The following KCNT2 variants were observed in gnomAD, a reference collection of about 807,000 sequenced individuals.
KCNT2 encodes the protein potassium sodium-activated channel subfamily T member 2.
In KCNT2, 67 loss-of-function variants were observed where a neutral mutation model predicts 153.8. That is an observed-to-expected ratio of 0.44 (90% confidence interval 0.36 to 0.53). The LOEUF is 0.53. Ranked by LOEUF, KCNT2 falls within the 20% of genes least tolerant of loss-of-function variation. The pLI is 0.00. For missense variants in KCNT2, 975 were observed against 1,354.8 expected, an observed-to-expected ratio of 0.72 and a Z score of 4.40; for synonymous variants, 500 against 458.8, an observed-to-expected ratio of 1.09 and a Z score of -1.15.
At chr1:196,386,568 A>G (rs7544383) in intron 13 of KCNT2, among the ~76,000 whole-genome samples, 8,772 of 152,152 alleles carry the variant, frequency 0.058, 391 homozygotes, top group Non-Finnish European at 0.085. Flanking sequence ...ATTTCTTCAA[A>G]GGTAAGTAAT....
chr1:196,352,242 C>A (rs1326358368), intron 14 of KCNT2, among the ~76,000 whole-genome samples: 1 of 151,936 alleles, frequency 6.6e-6, no homozygotes. Flanking sequence ...GGAGGATTCC[C>A]TCTTTTTCTA....
intron 1 of KCNT2, among the ~76,000 whole-genome samples, chr1:196,570,067 T>TAAAAAAAAAAAAAAAAAAAAAAA (rs199836975): frequency 3.0e-5 from 4 of 133,742 alleles, no homozygotes; most frequent in African/African-American, 1.1e-4. Context: ...TGAGCTAGAG[T>TAAAAAAAAAAAAAAAAAAAAAAA]AAAAAAAAAA....
At chr1:196,433,884 A>G (rs2148557769) in intron 8 of KCNT2, among the ~76,000 whole-genome samples, 1 of 152,204 alleles carries the variant, frequency 6.6e-6, no homozygotes, top group African/African-American at 2.4e-5. Context: ...AGGTAGAGGT[A>G]TCAAGAGACA....
chr1:196,327,757 T>G (rs899808487), intron 18 of KCNT2, among the ~76,000 whole-genome samples: 5 of 148,320 alleles, frequency 3.4e-5, no homozygotes, highest in South Asian at 2.1e-4. Context: ...ACCTCAAATT[T>G]CCAGTCTCAG....
At chr1:196,360,170 T>C (rs757636491) in intron 14 of KCNT2, among the ~76,000 whole-genome samples, 12 of 152,078 alleles carry the variant, frequency 7.9e-5, no homozygotes, top group Non-Finnish European at 1.5e-4. Context: ...CATTGCCTTA[T>C]ATTTTTTAAA....
chr1:196,588,941 T>C (rs1474261278), intron 1 of KCNT2, among the ~76,000 whole-genome samples: 1 of 151,922 alleles, frequency 6.6e-6, no homozygotes, highest in Admixed American at 6.6e-5. Flanking sequence ...AAGAATTTAT[T>C]TTAATAAAAT....
chr1:196,487,012 G>A (rs1010230053), intron 3 of KCNT2, among the ~76,000 whole-genome samples: 8 of 151,976 alleles, frequency 5.3e-5, no homozygotes, highest in African/African-American at 1.7e-4. Flanking sequence ...AGGATGTTAC[G>A]GAGAAGACTG....
At chr1:196,576,591 T>C (rs1317831246) in intron 1 of KCNT2, among the ~76,000 whole-genome samples, 2 of 152,118 alleles carry the variant, frequency 1.3e-5, no homozygotes, top group Admixed American at 6.6e-5. Context: ...ACATATGTAT[T>C]TCATAATTAT....
chr1:196,262,389 A>C lies in KCNT2; in HGVS notation c.2911-3895T>G, dbSNP rs1377196740. On this transcript the variant is annotated intron_variant, in intron 25 of 27. Coordinates refer to ENST00000294725, the MANE Select transcript of KCNT2 (RefSeq NM_198503.5). Reference sequence around the variant, plus strand: ...TTAAGGATAGTTTTACAGACTTCATAGTACTCTAAACTGTGCTATTTAATT... The same window carrying C: ...TTAAGGATAGTTTTACAGACTTCATCGTACTCTAAACTGTGCTATTTAATT... 2.0e-5 allele frequency among the ~76,000 whole-genome samples: 3 copies of C among 152,146 alleles called. No individual in the cohort carries two copies. In the East Asian group the frequency reaches 5.8e-4, roughly 29 times the overall value.
chr1:196,604,435 ATTTTTGT>A (rs925201403), intron 1 of KCNT2, among the ~76,000 whole-genome samples: 1 of 152,200 alleles, frequency 6.6e-6, no homozygotes, highest in African/African-American at 2.4e-5. Flanking sequence ...CTTGAATTAG[ATTTTTGT>A]TTTTTGCTCA....
chr1:196,496,167 C>T (rs114120521), intron 1 of KCNT2, among the ~76,000 whole-genome samples: 2,613 of 152,060 alleles, frequency 0.017, 79 homozygotes, highest in African/African-American at 0.059. Context: ...TTCTTTGCGA[C>T]TTTAAGAGAA....
intron 12 of KCNT2, among the ~76,000 whole-genome samples, chr1:196,409,522 A>T (rs556714999): frequency 6.6e-6 from 1 of 151,758 alleles, no homozygotes; most frequent in African/African-American, 2.4e-5. Flanking sequence ...TAATATTTTT[A>T]AAATTTCAAA....
At chr1:196,239,127 G>A (rs1654717239) in intron 26 of KCNT2, among the ~76,000 whole-genome samples, 1 of 151,296 alleles carries the variant, frequency 6.6e-6, no homozygotes. Context: ...AATTTTATTT[G>A]GTAAATTAGC....
intron 12 of KCNT2, among the ~76,000 whole-genome samples, chr1:196,403,792 A>C (rs1671613839): frequency 6.6e-6 from 1 of 151,672 alleles, no homozygotes; most frequent in African/African-American, 2.4e-5. Flanking sequence ...TGATCTGTAG[A>C]GTCACAAACC....
chr1:196,426,359 A>T (rs1225655588), intron 10 of KCNT2, among the ~76,000 whole-genome samples: 1 of 152,046 alleles, frequency 6.6e-6, no homozygotes, highest in Non-Finnish European at 1.5e-5. Context: ...TTTAAGTATC[A>T]ATTCATACTT....
chr1:196,526,927 C>A (rs988269268), intron 1 of KCNT2, among the ~76,000 whole-genome samples: 1 of 152,102 alleles, frequency 6.6e-6, no homozygotes, highest in Non-Finnish European at 1.5e-5. Context: ...ACCTGTTAGG[C>A]CCACAGCAGG....
intron 10 of KCNT2, among the ~76,000 whole-genome samples, chr1:196,427,788 C>T (rs540780322): frequency 4.6e-5 from 7 of 152,026 alleles, no homozygotes; most frequent in Non-Finnish European, 1.0e-4. Flanking sequence ...ATTCACTGTT[C>T]CATAAAAATA....
intron 3 of KCNT2, among the ~76,000 whole-genome samples, chr1:196,485,243 C>A (rs1372852227): frequency 1.3e-5 from 2 of 151,846 alleles, no homozygotes; most frequent in Admixed American, 6.6e-5. Context: ...AGACATTGAA[C>A]AATGAGATCA....
rs181170208 is a variant in KCNT2, at chr1:196,398,679, G to T, written c.1186-8C>A. 7 of 1,436,642 alleles carry T rather than the reference G, an allele frequency of 4.9e-6. No individual in the cohort carries two copies. In the East Asian group the frequency reaches 1.2e-4, roughly 24 times the overall value. 89.0% of individuals were successfully genotyped at this position (1,436,642 alleles called of 1,614,324 possible). A position where few individuals can be genotyped will look rare whatever the true frequency, so the allele number is the denominator to read the frequency against. On this transcript the variant is annotated splice_polypyrimidine_tract_variant and splice_region_variant and intron_variant, in intron 12 of 27. Transcript: ENST00000294725. ...CAAAATTGTTTGGTGATCCTGAAGTGATCAAAATAAAAACATCATAGCATA... is the reference window on the plus strand; with the variant it reads ...CAAAATTGTTTGGTGATCCTGAAGTTATCAAAATAAAAACATCATAGCATA...
Sources: allele counts gnomAD v4.1 joint callset (sites outside exome capture counted in the v4.1 genomes callset), GRCh38; gene constraint gnomAD v4.1.1; transcripts MANE v1.5; gene names NCBI Gene and HGNC (gene_info 2026-07-23, HGNC 2026-07-21).